The following HTR2A variants were observed in gnomAD, a reference collection of about 807,000 sequenced individuals.
HTR2A encodes the protein 5-HT2 receptor.
Under a neutral mutation model 31.0 loss-of-function variants are expected in HTR2A, and 14 were observed. The observed-to-expected ratio is 0.45, with a 90% CI of 0.30 to 0.71. The LOEUF is 0.71. Among genes scored for constraint, HTR2A ranks in the 30% least tolerant of loss-of-function variants. The pLI, the probability that HTR2A is intolerant of heterozygous loss-of-function variation, is 0.09. For synonymous variants in HTR2A, 209 were observed against 225.2 expected, an observed-to-expected ratio of 0.93 and a Z score of 0.64; for missense variants, 442 against 573.3, an observed-to-expected ratio of 0.77 and a Z score of 2.34.
intron 3 of HTR2A, among the ~76,000 whole-genome samples, chr13:46,877,071 G>C (rs139364280): frequency 6.6e-6 from 1 of 152,272 alleles, no homozygotes; most frequent in Admixed American, 6.5e-5. Context: ...TTGATGCCTA[G>C]ACTGTGGAAT....
In HTR2A at chr13:46,896,194, G is replaced by A; in HGVS notation, c.-288C>T. 8.5e-7 allele frequency: 1 copy of A among 1,172,570 alleles called. No individual in the cohort carries two copies. Among genetic ancestry groups the A allele is most frequent in the South Asian group, 3.5e-5 (1 of 28,476 alleles). 72.6% of individuals were successfully genotyped at this position (1,172,570 alleles called of 1,614,324 possible). A position where few individuals can be genotyped will look rare whatever the true frequency, so the allele number is the denominator to read the frequency against. On this transcript the variant is annotated 5_prime_UTR_variant, in exon 2 of 4. Coordinates refer to ENST00000542664, the MANE Select transcript of HTR2A (RefSeq NM_000621.5). ...AAGCAGAATGAACTTTTAGCATAGA[G>A]GTTGCAGGGTTTTTTTTGAGCGCTC...
chr13:46,849,074 G>A (rs778096295), intron 3 of HTR2A, among the ~76,000 whole-genome samples: 1 of 151,968 alleles, frequency 6.6e-6, no homozygotes, highest in Non-Finnish European at 1.5e-5. Context: ...ACCTTACACC[G>A]TCACACTAGG....
At chr13:46,854,330 C>T (rs770581254) in intron 3 of HTR2A, 5 of 152,178 alleles carry the variant, frequency 3.3e-5, no homozygotes, top group Non-Finnish European at 7.3e-5. Flanking sequence ...GGAGGATCAG[C>T]GATGTATCTA....
intron 3 of HTR2A, among the ~76,000 whole-genome samples, chr13:46,855,313 C>T (rs1950726806): frequency 6.6e-6 from 1 of 152,162 alleles, no homozygotes; most frequent in Admixed American, 6.5e-5. Flanking sequence ...AAGGGAACTC[C>T]TTCAGTTTTT....
intron 2 of HTR2A, among the ~76,000 whole-genome samples, chr13:46,894,989 C>T (rs574640407): frequency 6.6e-6 from 1 of 152,176 alleles, no homozygotes; most frequent in Non-Finnish European, 1.5e-5. Flanking sequence ...ACCTATTGCA[C>T]CACTAATGTT....
intron 3 of HTR2A, among the ~76,000 whole-genome samples, chr13:46,884,827 C>CAT (rs71077931): frequency 0.45 from 67,555 of 151,082 alleles, 17,525 homozygotes; most frequent in African/African-American, 0.72. Context: ...TGTATGTATA[C>CAT]ATATATATAT....
intron 3 of HTR2A, among the ~76,000 whole-genome samples, chr13:46,878,034 T>C (rs117388050): frequency 0.017 from 2,519 of 152,308 alleles, 29 homozygotes; most frequent in South Asian, 0.026. Flanking sequence ...GGGGACTTTA[T>C]GCCTTTCATT....
intron 3 of HTR2A, among the ~76,000 whole-genome samples, chr13:46,864,569 A>G (rs866406259): frequency 2.2e-4 from 33 of 152,344 alleles, no homozygotes; most frequent in African/African-American, 7.7e-4. Flanking sequence ...CGGCTTCGGT[A>G]AGAAGGTAGG....
In HTR2A at chr13:46,846,145, G is replaced by T. The variant is rs567233917; in HGVS notation, c.614-10506C>A. ...TTTGCAATGAGAAAACCCAAATTTG[G>T]ATCCCCTCTGGTTTTAAGCAAGTCA... On this transcript the variant is annotated intron_variant, in intron 3 of 3. Transcript: ENST00000542664. Among the ~76,000 whole-genome samples the T allele has an allele frequency of 3.3e-5, 5 of 152,078 alleles. No individual in the cohort carries two copies. The South Asian group carries it at 6.2e-4, about 19-fold the overall frequency.
chr13:46,850,750 A>G (rs1295003362), intron 3 of HTR2A, among the ~76,000 whole-genome samples: 2 of 152,190 alleles, frequency 1.3e-5, no homozygotes, highest in East Asian at 3.9e-4. Context: ...AGCCATTTAC[A>G]TGCTATCTAT....
chr13:46,868,995 A>T (rs1950842886), intron 3 of HTR2A, among the ~76,000 whole-genome samples: 1 of 152,160 alleles, frequency 6.6e-6, no homozygotes, highest in South Asian at 2.1e-4. Flanking sequence ...ATCTGAAGAG[A>T]CTAAAAAGGG....
chr13:46,894,502 C>T (rs1951085251), intron 2 of HTR2A, among the ~76,000 whole-genome samples: 1 of 152,234 alleles, frequency 6.6e-6, no homozygotes, highest in Admixed American at 6.5e-5. Context: ...AAACTGGCGC[C>T]TGCTCGCCCT....
At chr13:46,873,427 T>TTTA (rs56356002) in intron 3 of HTR2A, among the ~76,000 whole-genome samples, 6,258 of 144,716 alleles carry the variant, frequency 0.043, 224 homozygotes, top group African/African-American at 0.096. Context: ...TAATATAAAA[T>TTTA]TTATTATTAT....
intron 3 of HTR2A, among the ~76,000 whole-genome samples, chr13:46,846,995 T>C (rs1473317264): frequency 6.6e-6 from 1 of 152,240 alleles, no homozygotes; most frequent in East Asian, 1.9e-4. Context: ...TCCTCCTGTT[T>C]GTTCATTTTG....
In HTR2A at chr13:46,834,354, T is replaced by C. The variant is rs528125789; in HGVS notation, c.*483A>G. On this transcript the variant is annotated 3_prime_UTR_variant, in exon 4 of 4. Coordinates refer to ENST00000542664, the MANE Select transcript of HTR2A (RefSeq NM_000621.5). ...ACACTGACCTTAGTGGCTTTTTTTT[T>C]CTCCTTTCAAAATATATACCATAGT... 1 of 153,288 alleles carries C rather than the reference T, an allele frequency of 6.5e-6. No homozygotes were observed. Among genetic ancestry groups the C allele is most frequent in the South Asian group, 2.1e-4 (1 of 4,848 alleles). The allele number at this position is 153,288 out of a possible 1,614,324, so 9.5% of individuals were successfully genotyped here.
chr13:46,846,261 C>T (rs992844367), intron 3 of HTR2A, among the ~76,000 whole-genome samples: 1 of 152,002 alleles, frequency 6.6e-6, no homozygotes, highest in African/African-American at 2.4e-5. Context: ...AGAATTGCTA[C>T]CCTTATATAG....
chr13:46,893,560 T>C (rs758866612), intron 2 of HTR2A, among the ~76,000 whole-genome samples: 3 of 152,132 alleles, frequency 2.0e-5, no homozygotes, highest in African/African-American at 2.4e-5. Context: ...GTTTGGAGGG[T>C]GGGCTGAGGT....
intron 3 of HTR2A, among the ~76,000 whole-genome samples, chr13:46,847,467 AGG>A (rs1400077753): frequency 1.3e-5 from 2 of 152,234 alleles, no homozygotes; most frequent in Non-Finnish European, 2.9e-5. Context: ...GATGGTAGGA[AGG>A]GTGTTGCTTG....
chr13:46,867,468 G>A (rs1481403000), intron 3 of HTR2A, among the ~76,000 whole-genome samples: 1 of 152,206 alleles, frequency 6.6e-6, no homozygotes, highest in Non-Finnish European at 1.5e-5. Flanking sequence ...GCAATATTAT[G>A]AGATAGCTTG....
Sources: allele counts gnomAD v4.1 joint callset (sites outside exome capture counted in the v4.1 genomes callset), GRCh38; gene constraint gnomAD v4.1.1; transcripts MANE v1.5; gene names NCBI Gene and HGNC (gene_info 2026-07-23, HGNC 2026-07-21).